Variants in MGST1 observed in about 807,000 individuals in gnomAD.
MGST1 encodes glutathione S-transferase 12.
MGST1 carries 5 observed loss-of-function variants against 8.9 expected under a neutral mutation model. That is an observed-to-expected ratio of 0.56 (90% CI 0.29 to 1.19). The LOEUF is 1.19. MGST1 is among the 50% of genes most tolerant of loss of function. The pLI is 0.08. For synonymous variants in MGST1, 54 were observed against 67.8 expected, an observed-to-expected ratio of 0.80 and a Z score of 1.00; for missense variants, 182 against 187.4, an observed-to-expected ratio of 0.97 and a Z score of 0.17.
At chr12:16,450,839 C>CATGTGTGT (rs978891087) in intron 4 of MGST1, among the ~76,000 whole-genome samples, 4 of 147,992 alleles carry the variant, frequency 2.7e-5, no homozygotes, top group African/African-American at 9.9e-5. Context: ...ATATATATTC[C>CATGTGTGT]GTGTGTGTGT....
intron 4 of MGST1, among the ~76,000 whole-genome samples, chr12:16,483,313 T>G (rs1329189536): frequency 2.0e-5 from 3 of 151,942 alleles, no homozygotes; most frequent in Non-Finnish European, 4.4e-5. Flanking sequence ...TTCTTCCTGA[T>G]TATTAACTTT....
intron 1 of MGST1, among the ~76,000 whole-genome samples, chr12:16,407,881 A>T (rs11056921): frequency 0.39 from 58,716 of 151,428 alleles, 11,469 homozygotes; most frequent in East Asian, 0.53. Context: ...AAAATACAAA[A>T]ATTAGCTGGG....
At chr12:16,516,802 C>A (rs1941618194) in intron 4 of MGST1, among the ~76,000 whole-genome samples, 1 of 152,106 alleles carries the variant, frequency 6.6e-6, no homozygotes, top group Non-Finnish European at 1.5e-5. Context: ...AACCCACTGA[C>A]TATAGTCCAC....
rs1414137970 is a variant in MGST1 at position 16,401,490 on chromosome 12, C to A, written n.778+17886C>A. On this transcript the variant is annotated intron_variant and non_coding_transcript_variant, in intron 1 of 1. Coordinates refer to the MGST1 transcript ENST00000359720. The surrounding 1 kb of genome is among the most constrained non-coding windows in gnomAD (Gnocchi z 4.3). Reference sequence around the variant, plus strand: ...CACCATGTCTTAATTCCTTCAGCAGCTCTTCTTGAAGCTGGAGTAAAAAGT... The same window carrying A: ...CACCATGTCTTAATTCCTTCAGCAGATCTTCTTGAAGCTGGAGTAAAAAGT... 3.6e-6 allele frequency: 3 copies of A among 844,006 alleles called. No homozygotes were observed. Among genetic ancestry groups the A allele is most frequent in the African/African-American group, 3.4e-5 (2 of 59,570 alleles). 52.3% of individuals were successfully genotyped at this position (844,006 alleles called of 1,614,324 possible).
At chr12:16,557,398 T>C (rs2063002245) in intron 4 of MGST1, among the ~76,000 whole-genome samples, 1 of 150,570 alleles carries the variant, frequency 6.6e-6, no homozygotes, top group South Asian at 2.1e-4. Context: ...ACGTAATTCC[T>C]AGTGTTTTAG....
chr12:16,483,873 T>G (rs894116050), intron 4 of MGST1, among the ~76,000 whole-genome samples: 3 of 152,144 alleles, frequency 2.0e-5, no homozygotes, highest in Admixed American at 2.0e-4. Context: ...TGCCCTCAGA[T>G]TATACTACAC....
At position 16,458,501 on chromosome 12, in the gene MGST1, T is replaced by C. The variant is rs537773412; in HGVS notation, n.482+74897T>C. 6.6e-6 allele frequency among the ~76,000 whole-genome samples: 1 copy of C among 152,066 alleles called. No individual in the cohort carries two copies. The highest frequency in any genetic ancestry group is 2.4e-5 in the African/African-American group (1 of 41,434). On this transcript the variant is annotated intron_variant and non_coding_transcript_variant, in intron 4 of 4. Coordinates refer to the MGST1 transcript ENST00000538857. This position sits in a 1 kb window ranked among gnomAD's most constrained non-coding sequence, Gnocchi z 4.0. ...TCACATTAACAATGAAATAGGTCCA[T>C]TAACATACGATGCTATTGGTGAAAC... is the stretch of plus-strand genomic sequence containing the variant.
chr12:16,350,879 GA>G (rs1476852564), intron 1 of MGST1: 1 of 152,136 alleles, frequency 6.6e-6, no homozygotes, highest in Non-Finnish European at 1.5e-5. Context: ...TCGTGATTGA[GA>G]AACTCTGTGT....
intron 4 of MGST1, among the ~76,000 whole-genome samples, chr12:16,569,379 G>T (rs2137421084): frequency 6.6e-6 from 1 of 152,240 alleles, no homozygotes. Context: ...GAGGGTAATG[G>T]CTGGTCTACA....
Position 16,400,381 on chromosome 12 carries a change from C to G in MGST1, n.778+16777C>G, listed in dbSNP as rs539997539. 4 of 822,446 alleles carry G rather than the reference C, an allele frequency of 4.9e-6. No homozygotes were observed. In the East Asian group the frequency reaches 7.3e-5, roughly 15 times the overall value. 50.9% of individuals were successfully genotyped at this position (822,446 alleles called of 1,614,324 possible). ...AGATATGAAGCGGAAGCCATTGACA[C>G]GGGCCTCCAGTGAGCCTTGCAGCCT... On this transcript the variant is annotated intron_variant and non_coding_transcript_variant, in intron 1 of 1. Coordinates refer to the MGST1 transcript ENST00000359720.
intron 1 of MGST1, among the ~76,000 whole-genome samples, chr12:16,418,603 A>G (rs1274263371): frequency 2.0e-5 from 3 of 152,150 alleles, no homozygotes; most frequent in Admixed American, 6.6e-5. Flanking sequence ...CCGAGAGACT[A>G]TACATTCACT....
chr12:16,356,301 T>C (rs1565434828), intron 2 of MGST1, among the ~76,000 whole-genome samples: 1 of 152,206 alleles, frequency 6.6e-6, no homozygotes, highest in African/African-American at 2.4e-5. Flanking sequence ...CTTTCCATTG[T>C]AATACATTTA....
At chr12:16,451,785 C>G (rs973439001) in intron 4 of MGST1, among the ~76,000 whole-genome samples, 2 of 151,908 alleles carry the variant, frequency 1.3e-5, no homozygotes, top group Non-Finnish European at 2.9e-5. Context: ...GGCAGTTACC[C>G]ATTACACCAT....
At chr12:16,454,506 T>G (rs2160511) in intron 4 of MGST1, among the ~76,000 whole-genome samples, 25,848 of 150,950 alleles carry the variant, frequency 0.17, 2,919 homozygotes, top group Non-Finnish European at 0.24. Context: ...ATTATTCCCA[T>G]TTTAAAGATG....
At chr12:16,441,483 C>T (rs1167642774), downstream of MGST1, among the ~76,000 whole-genome samples, 2 of 151,976 alleles carry the variant, frequency 1.3e-5, no homozygotes, top group East Asian at 3.9e-4. Context: ...CCTCTGTGCT[C>T]TGCCTATTCA....
chr12:16,569,301 T>G (rs989025167), intron 4 of MGST1, among the ~76,000 whole-genome samples: 1 of 152,120 alleles, frequency 6.6e-6, no homozygotes, highest in Non-Finnish European at 1.5e-5. Context: ...ACTTCTTTGT[T>G]TTTCCCTGCA....
chr12:16,374,867 A>C (rs1250585054), intron 3 of MGST1, among the ~76,000 whole-genome samples: 1 of 152,096 alleles, frequency 6.6e-6, no homozygotes, highest in African/African-American at 2.4e-5. Flanking sequence ...ATTTGTGCTT[A>C]TGTTTTATTT....
chr12:16,466,082 A>G (rs1232717612), intron 4 of MGST1, among the ~76,000 whole-genome samples: 1 of 152,252 alleles, frequency 6.6e-6, no homozygotes, highest in African/African-American at 2.4e-5. Flanking sequence ...ATATGTGTAA[A>G]GACCTAAATG....
At position 16,544,759 on chromosome 12, in the gene MGST1, C is replaced by G. The variant is rs1328994507; in HGVS notation, n.483-44769C>G. Among the ~76,000 whole-genome samples the G allele has an allele frequency of 6.6e-6, 1 of 151,956 alleles. No homozygotes were observed. Among genetic ancestry groups the G allele is most frequent in the Non-Finnish European group, 1.5e-5 (1 of 67,908 alleles). Reference sequence around the variant, plus strand: ...ATTCTAGTCAATTTGGGAAAAAGCACTGGGTTATGAAAAATTATAACCTAT... The same window carrying G: ...ATTCTAGTCAATTTGGGAAAAAGCAGTGGGTTATGAAAAATTATAACCTAT... On this transcript the variant is annotated intron_variant and non_coding_transcript_variant, in intron 4 of 4. Transcript: ENST00000538857. The surrounding 1 kb of genome is among the most constrained non-coding windows in gnomAD (Gnocchi z 4.8).
Sources: gnomAD v4.1 joint callset for allele counts (sites outside exome capture counted in the v4.1 genomes callset) on GRCh38, gnomAD v4.1.1 for gene constraint, Gnocchi (gnomAD v3.1) non-coding constraint, MANE v1.5 for transcripts, NCBI Gene and HGNC (gene_info 2026-07-23, HGNC 2026-07-21) for gene names.